PCDHA1: variants seen among roughly 807,000 people sequenced by gnomAD.
PCDHA1 encodes the protein protocadherin alpha 1.
A neutral mutation model predicts 61.3 loss-of-function variants in PCDHA1; 42 were observed. That is an observed-to-expected ratio of 0.69 (90% confidence interval 0.54 to 0.89). The LOEUF (loss-of-function observed/expected upper bound fraction) is 0.89, where lower values mean the gene tolerates loss of function less well. Among genes scored for constraint, PCDHA1 ranks in the 40% least tolerant of loss-of-function variants. The pLI, the probability that PCDHA1 is intolerant of heterozygous loss-of-function variation, is 0.00. For synonymous variants in PCDHA1, 610 were observed against 553.8 expected (o/e 1.10, Z -1.43); for missense variants, 1,256 against 1,235.3 (o/e 1.02, Z -0.25).
chr5:140,797,259 C>G (rs1554120378), intron 1 of PCDHA1: 1 of 1,614,202 alleles, frequency 6.2e-7, no homozygotes, highest in Admixed American at 1.7e-5. Flanking sequence ...AGGACCCCCC[C>G]AAGACGGACC....
intron 1 of PCDHA1, chr5:140,865,596 A>G (rs1309543842): frequency 2.6e-5 from 4 of 152,224 alleles, no homozygotes; most frequent in Admixed American, 2.0e-4. Context: ...CCATTGTTTG[A>G]GCAGTTTATT....
At chr5:140,819,285 A>C (rs1309010996) in intron 1 of PCDHA1, among the ~76,000 whole-genome samples, 1 of 152,158 alleles carries the variant, frequency 6.6e-6, no homozygotes, top group East Asian at 1.9e-4. Context: ...AGAGAAGAAA[A>C]ATATAGCTTA....
intron 1 of PCDHA1, among the ~76,000 whole-genome samples, chr5:140,805,848 T>C (rs1763639170): frequency 6.6e-6 from 1 of 152,198 alleles, no homozygotes; most frequent in Admixed American, 6.5e-5. Flanking sequence ...AGATATGCGA[T>C]CACCTTAAAT....
chr5:140,869,191 C>CA (rs1554162609), intron 1 of PCDHA1: 1 of 1,613,878 alleles, frequency 6.2e-7, no homozygotes, highest in East Asian at 2.2e-5. Flanking sequence ...GGGGAGCGGC[C>CA]AGCTCCACTA....
chr5:140,917,223 C>G (rs1351907671), intron 1 of PCDHA1, among the ~76,000 whole-genome samples: 3 of 150,934 alleles, frequency 2.0e-5, no homozygotes, highest in African/African-American at 7.3e-5. Context: ...TTTAGTGATA[C>G]GTTGTTAAAT....
rs990142871 is a variant in PCDHA1, at chr5:140,854,493, T to G, written c.2394+65809T>G. 2.7e-5 allele frequency: 4 copies of G among 149,954 alleles called. No homozygotes were observed. The Admixed American group carries it at 2.7e-4, about 10-fold the overall frequency. The allele number at this position is 149,954 out of a possible 1,614,324, so 9.3% of individuals were successfully genotyped here. On this transcript the variant is annotated intron_variant, in intron 1 of 3. Transcript: ENST00000504120. ...AGAGAAGTATAGAAACAGAATTTAG[T>G]AGGACACATAAACTGATGGATTAAG...
intron 1 of PCDHA1, chr5:140,834,304 A>G (rs2150215159): frequency 5.3e-6 from 7 of 1,322,818 alleles, no homozygotes; most frequent in South Asian, 1.4e-5. Context: ...ACACATCGAG[A>G]TTGAAATGAA....
At chr5:140,861,646 T>C in intron 1 of PCDHA1, 1 of 291,698 alleles carries the variant, frequency 3.4e-6, no homozygotes, top group Non-Finnish European at 6.9e-6. Context: ...CAAAAGAATC[T>C]GTTTCTGAAA....
intron 1 of PCDHA1, chr5:140,812,652 A>G (rs2126640535): frequency 6.6e-6 from 1 of 152,200 alleles, no homozygotes; most frequent in South Asian, 2.1e-4. Context: ...AAGAGACAAG[A>G]TCTCACTATG....
rs573060069 is a variant in PCDHA1 at position 140,798,841 on chromosome 5, T to C, written c.2394+10157T>C. The stretch of plus-strand genomic sequence containing the variant: ...CAAAGGCAGATGTATTGCAATAAAA[T>C]AACTGTCTTAAACGGTCCTCTACTA... On this transcript the variant is annotated intron_variant, in intron 1 of 3. Transcript: ENST00000504120. Among the ~76,000 whole-genome samples, 9 of 152,336 alleles carry C rather than the reference T, an allele frequency of 5.9e-5. No homozygotes were observed. In the South Asian group the frequency reaches 1.0e-3, roughly 18 times the overall value.
At chr5:140,961,646 T>C (rs554070301) in intron 1 of PCDHA1, among the ~76,000 whole-genome samples, 19 of 152,328 alleles carry the variant, frequency 1.2e-4, no homozygotes, top group African/African-American at 4.6e-4. Flanking sequence ...TAAGTCTATG[T>C]GGTTAGTTTG....
chr5:140,831,150 G>C (rs2150192087), intron 1 of PCDHA1: 1 of 152,114 alleles, frequency 6.6e-6, no homozygotes, highest in African/African-American at 2.4e-5. Context: ...ATTTACTACC[G>C]ATCTAAATAA....
rs782355791 is a variant in PCDHA1, at chr5:140,982,576, G to A, written c.2542+13G>A. The A allele has an allele frequency of 5.6e-6, 9 of 1,613,152 alleles. No homozygotes were observed. In the Admixed American group the frequency reaches 6.7e-5, roughly 12 times the overall value. ...AGTGCAACACCAGGTAAAGAGCTGG[G>A]GTCTCTCCATTCTTTCTTGGTTTCT... On this transcript the variant is annotated intron_variant, in intron 3 of 3. Transcript: ENST00000504120.
At chr5:140,931,323 T>A (rs912582961) in intron 1 of PCDHA1, among the ~76,000 whole-genome samples, 1 of 152,110 alleles carries the variant, frequency 6.6e-6, no homozygotes, top group Non-Finnish European at 1.5e-5. Context: ...CAGTAATGGC[T>A]GTAAAGTTTG....
At position 140,829,844 on chromosome 5, in the gene PCDHA1, C is replaced by A. The variant is rs2150175965; in HGVS notation, c.2394+41160C>A. The A allele has an allele frequency of 1.9e-6, 3 of 1,613,922 alleles. No individual in the cohort carries two copies. The Admixed American group carries it at 5.0e-5, about 27-fold the overall frequency. ...AGTGAGCGAGCTGGTGCCGCGGTCA[C>A]TGGGTGCAGGCCAAGTGGTGGCGAA... On this transcript the variant is annotated intron_variant, in intron 1 of 3. Transcript: ENST00000504120.
At chr5:140,990,025 T>C (rs2097371572) in intron 3 of PCDHA1, among the ~76,000 whole-genome samples, 1 of 151,914 alleles carries the variant, frequency 6.6e-6, no homozygotes, top group African/African-American at 2.4e-5. Flanking sequence ...AGGCAAAGGA[T>C]GGGAGAAGTC....
intron 1 of PCDHA1, chr5:140,841,564 T>C (rs2150318261): frequency 1.2e-6 from 2 of 1,613,882 alleles, no homozygotes; most frequent in South Asian, 1.1e-5. Flanking sequence ...GTCTGCAGAA[T>C]GGCATTTTGT....
chr5:140,863,613 C>T, intron 1 of PCDHA1: 2 of 338,450 alleles, frequency 5.9e-6, no homozygotes, highest in South Asian at 4.9e-5. Flanking sequence ...TAATGTCCCT[C>T]ATAGTGACAT....
intron 1 of PCDHA1, chr5:140,809,416 T>G: frequency 1.9e-6 from 3 of 1,614,080 alleles, no homozygotes; most frequent in Non-Finnish European, 2.5e-6. Context: ...TGTGCTCCAG[T>G]GCGGTGGGGA....
Sources: allele counts gnomAD v4.1 joint callset (sites outside exome capture counted in the v4.1 genomes callset), GRCh38; gene constraint gnomAD v4.1.1; transcripts MANE v1.5; gene names NCBI Gene and HGNC (gene_info 2026-07-23, HGNC 2026-07-21).